The following CDH12 variants were observed in gnomAD, a reference collection of about 807,000 sequenced individuals.
CDH12 encodes the protein cadherin 12.
In CDH12, 41 loss-of-function variants were observed where a neutral mutation model predicts 74.1. The ratio of observed to expected loss-of-function variants is 0.55; its 90% confidence interval spans 0.43 to 0.72. CDH12 has a LOEUF of 0.72. Ranked by LOEUF, CDH12 falls within the 30% of genes least tolerant of loss-of-function variation. The pLI is 0.00. For missense variants in CDH12, 945 were observed against 977.2 expected (o/e 0.97, Z 0.44); for synonymous variants, 399 against 355.0 (o/e 1.12, Z -1.39).
At chr5:22,486,791 G>C (rs1431587177) in intron 2 of CDH12, among the ~76,000 whole-genome samples, 1 of 151,824 alleles carries the variant, frequency 6.6e-6, no homozygotes, top group East Asian at 2.0e-4. Flanking sequence ...TGGTGGTAGA[G>C]ATTTGAAAAG....
At chr5:22,737,658 C>T (rs1306803837) in intron 1 of CDH12, among the ~76,000 whole-genome samples, 2 of 151,854 alleles carry the variant, frequency 1.3e-5, no homozygotes, top group Non-Finnish European at 2.9e-5. Flanking sequence ...AAGACAGAAT[C>T]GACAAACTTA....
chr5:21,939,237 T>C (rs1320989878), intron 6 of CDH12, among the ~76,000 whole-genome samples: 1 of 128,580 alleles, frequency 7.8e-6, no homozygotes, highest in East Asian at 2.0e-4. Flanking sequence ...TATAAAATTA[T>C]CAAAAAAAGA....
At chr5:21,889,384 C>T (rs1014032597) in intron 6 of CDH12, among the ~76,000 whole-genome samples, 2 of 152,038 alleles carry the variant, frequency 1.3e-5, no homozygotes, top group Non-Finnish European at 2.9e-5. Context: ...ATCAGGAGGC[C>T]CCCTAGTCTG....
chr5:21,816,609 A>C (rs1393497556), intron 9 of CDH12, among the ~76,000 whole-genome samples: 1 of 132,944 alleles, frequency 7.5e-6, no homozygotes, highest in Non-Finnish European at 1.6e-5. Context: ...TGGGTAACAG[A>C]GTGCAACTCC....
intron 8 of CDH12, among the ~76,000 whole-genome samples, chr5:21,819,818 G>A (rs924763205): frequency 6.6e-6 from 1 of 151,862 alleles, no homozygotes; most frequent in South Asian, 2.1e-4. Flanking sequence ...GTCATAAGGA[G>A]CGGAGTAGTA....
intron 6 of CDH12, chr5:21,883,910 G>A: frequency 1.2e-6 from 2 of 1,608,768 alleles, no homozygotes; most frequent in Non-Finnish European, 1.7e-6. Flanking sequence ...TTTTGGGAGG[G>A]GGTTTTGCCC....
At chr5:21,758,609 G>A (rs1744536474) in intron 13 of CDH12, among the ~76,000 whole-genome samples, 1 of 152,116 alleles carries the variant, frequency 6.6e-6, no homozygotes, top group South Asian at 2.1e-4. Flanking sequence ...ACCTAATAAA[G>A]TCAGAGATAC....
Position 22,453,673 on chromosome 5 carries a change from G to C in CDH12, c.-427-48322C>G, listed in dbSNP as rs866554597. Reference sequence around the variant, plus strand: ...ATCCTGGTGTTCTGTTGCATAGTAGGGTGGCTATAGTGAAAAATAATTTAC... The same window carrying C: ...ATCCTGGTGTTCTGTTGCATAGTAGCGTGGCTATAGTGAAAAATAATTTAC... On this transcript the variant is annotated intron_variant, in intron 2 of 14. Coordinates refer to ENST00000382254, the MANE Select transcript of CDH12 (RefSeq NM_004061.5). 2.0e-5 allele frequency among the ~76,000 whole-genome samples: 3 copies of C among 152,036 alleles called. No homozygotes were observed. The South Asian group carries it at 6.2e-4, about 31-fold the overall frequency.
intron 1 of CDH12, among the ~76,000 whole-genome samples, chr5:22,844,952 T>A (rs996373248): frequency 6.6e-6 from 1 of 152,170 alleles, no homozygotes; most frequent in African/African-American, 2.4e-5. Flanking sequence ...TTCTTCTCTG[T>A]TCTCTTCATA....
intron 1 of CDH12, among the ~76,000 whole-genome samples, chr5:22,605,675 C>T (rs1465222182): frequency 3.9e-5 from 6 of 152,238 alleles, no homozygotes; most frequent in African/African-American, 1.2e-4. Context: ...GACAGCTTGT[C>T]CCTTATTCCC....
chr5:22,851,200 C>T (rs1229929158), intron 1 of CDH12, among the ~76,000 whole-genome samples: 2 of 152,046 alleles, frequency 1.3e-5, no homozygotes, highest in African/African-American at 4.8e-5. Flanking sequence ...CACTCCCTCC[C>T]CCTCCCCCCA....
intron 2 of CDH12, among the ~76,000 whole-genome samples, chr5:22,498,002 G>A (rs992414367): frequency 2.6e-5 from 4 of 151,916 alleles, no homozygotes; most frequent in African/African-American, 9.7e-5. Context: ...CCATCACACT[G>A]GCCTTCTTGT....
chr5:21,931,941 G>A (rs1471937508), intron 6 of CDH12, among the ~76,000 whole-genome samples: 1 of 152,158 alleles, frequency 6.6e-6, no homozygotes, highest in Non-Finnish European at 1.5e-5. Flanking sequence ...GATAGCATAA[G>A]TGGTCAAGAC....
At chr5:22,267,732 T>G (rs1736192741) in intron 3 of CDH12, among the ~76,000 whole-genome samples, 1 of 152,142 alleles carries the variant, frequency 6.6e-6, no homozygotes, top group African/African-American at 2.4e-5. Flanking sequence ...TATAAGGTTG[T>G]GTTGCCTTTG....
rs376661828 is a variant in CDH12, at chr5:21,961,523, C to T, written c.526+13568G>A. On this transcript the variant is annotated intron_variant, in intron 6 of 14. Transcript: ENST00000382254. ...AAAAAACATATGTTGAAGTCCTTAC[C>T]CCAGTAATTAAGGATGCGACCTTAT... Among the ~76,000 whole-genome samples, 30 of 152,094 alleles carry T rather than the reference C, an allele frequency of 2.0e-4. No individual in the cohort carries two copies. The South Asian group carries it at 5.2e-3, about 26-fold the overall frequency.
intron 13 of CDH12, among the ~76,000 whole-genome samples, chr5:21,758,571 A>G (rs753049884): frequency 3.3e-5 from 5 of 152,220 alleles, no homozygotes; most frequent in Non-Finnish European, 5.9e-5. Context: ...ATGGAAACTT[A>G]GAGGACATAA....
At chr5:22,689,263 G>C (rs1210201669) in intron 1 of CDH12, among the ~76,000 whole-genome samples, 2 of 152,136 alleles carry the variant, frequency 1.3e-5, no homozygotes, top group African/African-American at 4.8e-5. Context: ...GATAAAGCAT[G>C]GCGTGATGAG....
At chr5:22,379,919 A>AATTTTTT (rs764358899) in intron 3 of CDH12, among the ~76,000 whole-genome samples, 1 of 151,962 alleles carries the variant, frequency 6.6e-6, no homozygotes, top group East Asian at 1.9e-4. Flanking sequence ...ATGCCCAGCC[A>AATTTTTT]ATTTTTTATT....
intron 3 of CDH12, among the ~76,000 whole-genome samples, chr5:22,217,187 T>C (rs575130251): frequency 6.6e-6 from 1 of 151,800 alleles, no homozygotes; most frequent in Admixed American, 6.6e-5. Context: ...ATGGAGTAGA[T>C]TAAAAAATTG....
Sources: allele counts gnomAD v4.1 joint callset (sites outside exome capture counted in the v4.1 genomes callset), GRCh38; gene constraint gnomAD v4.1.1; transcripts MANE v1.5; gene names NCBI Gene and HGNC (gene_info 2026-07-23, HGNC 2026-07-21).